SCCPDH: variants seen among roughly 807,000 people sequenced by gnomAD.
The protein encoded by SCCPDH is saccharopine dehydrogenase (putative).
A neutral mutation model predicts 51.5 loss-of-function variants in SCCPDH; 34 were observed. The ratio of observed to expected loss-of-function variants is 0.66; its 90% CI spans 0.50 to 0.88. SCCPDH has a LOEUF of 0.88. SCCPDH is among the 40% of genes least tolerant of loss of function. SCCPDH has a pLI of 0.00. For synonymous variants in SCCPDH, 187 were observed against 191.3 expected (o/e 0.98, Z 0.19); for missense variants, 464 against 527.1 (o/e 0.88, Z 1.17).
intron 5 of SCCPDH, among the ~76,000 whole-genome samples, chr1:246,756,147 C>T (rs1330517319): frequency 6.6e-6 from 1 of 152,156 alleles, no homozygotes; most frequent in African/African-American, 2.4e-5. Flanking sequence ...AGGCTAGCTG[C>T]AATGTAGGAG....
chr1:246,764,196 G>A (rs2102991578), intron 9 of SCCPDH, 50 bp from the exon 10 acceptor site: 1 of 1,109,876 alleles, frequency 9.0e-7, no homozygotes, highest in East Asian at 2.4e-5. Context: ...CTATGTTCCA[G>A]GAGGAAATGA....
intron 11 of SCCPDH, 64 bp downstream of exon 11, chr1:246,766,203 G>T: frequency 8.3e-7 from 1 of 1,203,372 alleles, no homozygotes; most frequent in South Asian, 1.3e-5. Flanking sequence ...AGCTTATTTT[G>T]ATTTGATTTT....
chr1:246,736,080 G>A (rs376950783), intron 3 of SCCPDH, 25 bp downstream of exon 3: 118 of 1,505,358 alleles, frequency 7.8e-5, no homozygotes, highest in Admixed American at 3.9e-4. Context: ...AAGGAAAAAC[G>A]TAGAATTAAC....
At chr1:246,761,991 C>A (rs1010569718) in intron 9 of SCCPDH, among the ~76,000 whole-genome samples, 1 of 152,174 alleles carries the variant, frequency 6.6e-6, no homozygotes, top group African/African-American at 2.4e-5. Context: ...GCTGCTGCAC[C>A]GTTTTACCTT....
chr1:246,738,509 CA>C (rs112316148), intron 3 of SCCPDH, among the ~76,000 whole-genome samples: 119 of 122,476 alleles, frequency 9.7e-4, no homozygotes, highest in African/African-American at 2.5e-3. Flanking sequence ...GACTCCGTCT[CA>C]AAAAAAAAAA....
At position 246,749,553 on chromosome 1, in the gene SCCPDH, C is replaced by T. The variant is rs1164760262; in HGVS notation, c.564+5428C>T. Among the ~76,000 whole-genome samples the T allele has an allele frequency of 2.0e-5, 3 of 152,104 alleles. No homozygotes were observed. In the East Asian group the frequency reaches 5.8e-4, roughly 29 times the overall value. ...GGGAAGAACTCTGGGGAGCAGCAGTCGTCATCTGTGCTGGATTACATTGGT... is the reference window on the plus strand; with the variant it reads ...GGGAAGAACTCTGGGGAGCAGCAGTTGTCATCTGTGCTGGATTACATTGGT... On this transcript the variant is annotated intron_variant, in intron 5 of 11. Transcript: ENST00000366510.
At chr1:246,765,556 C>T (rs1018651505) in intron 10 of SCCPDH, among the ~76,000 whole-genome samples, 5 of 152,050 alleles carry the variant, frequency 3.3e-5, no homozygotes, top group Admixed American at 2.0e-4. Context: ...TATGTTTAGT[C>T]GTTATTCTTT....
intron 2 of SCCPDH, among the ~76,000 whole-genome samples, chr1:246,727,401 C>T (rs1048026403): frequency 5.9e-4 from 90 of 152,198 alleles, no homozygotes; most frequent in African/African-American, 2.0e-3. Context: ...GACTAAAAAA[C>T]GACTCATTTA....
chr1:246,734,562 A>G (rs1357671857), intron 2 of SCCPDH, among the ~76,000 whole-genome samples: 2 of 152,076 alleles, frequency 1.3e-5, no homozygotes, highest in Non-Finnish European at 2.9e-5. Flanking sequence ...AATTTCACAC[A>G]CTTCTCCCAG....
intron 9 of SCCPDH, among the ~76,000 whole-genome samples, chr1:246,761,539 G>C (rs1048246043): frequency 6.6e-6 from 1 of 152,102 alleles, no homozygotes; most frequent in African/African-American, 2.4e-5. Flanking sequence ...CTCTACACCC[G>C]TGAAACAATA....
At position 246,768,134 on chromosome 1, in the gene SCCPDH, G is replaced by A. The variant is rs1669116587; in HGVS notation, c.*834G>A. On this transcript the variant is annotated 3_prime_UTR_variant, in exon 12 of 12. Coordinates refer to ENST00000366510, the MANE Select transcript of SCCPDH (RefSeq NM_016002.3). ...CATATAATAAACACGTATATACATA[G>A]CAATCATGTTGTTCATTACCTAAAC... The A allele has an allele frequency of 6.6e-6, 1 of 151,994 alleles. No homozygotes were observed. The highest frequency in any genetic ancestry group is 2.1e-4 in the South Asian group (1 of 4,808). The allele number at this position is 151,994 out of a possible 1,614,324, so 9.4% of individuals were successfully genotyped here.
At chr1:246,762,811 A>G (rs894288126) in intron 9 of SCCPDH, among the ~76,000 whole-genome samples, 1 of 148,568 alleles carries the variant, frequency 6.7e-6, no homozygotes, top group African/African-American at 2.5e-5. Flanking sequence ...ACTGCACTCC[A>G]GCCTGGGCAA....
intron 9 of SCCPDH, among the ~76,000 whole-genome samples, chr1:246,763,684 A>G (rs914966384): frequency 6.6e-6 from 1 of 152,050 alleles, no homozygotes; most frequent in African/African-American, 2.4e-5. Context: ...TGTAAGCTCC[A>G]GCAAAGGCAG....
chr1:246,740,812 G>A (rs1020364868), intron 4 of SCCPDH, among the ~76,000 whole-genome samples: 1 of 152,142 alleles, frequency 6.6e-6, no homozygotes, highest in African/African-American at 2.4e-5. Flanking sequence ...AGGGTGTGGT[G>A]GCTTACACCC....
intron 4 of SCCPDH, among the ~76,000 whole-genome samples, chr1:246,743,728 T>C (rs972478802): frequency 2.0e-5 from 3 of 152,166 alleles, no homozygotes; most frequent in African/African-American, 7.2e-5. Flanking sequence ...CAATTGTTGC[T>C]TTATTGGGGG....
At position 246,759,078 on chromosome 1, in the gene SCCPDH, C is replaced by T. The variant is rs761574272; in HGVS notation, c.740C>T (p.Pro247Leu). The change falls in exon 7 of 12, where the codon CCT (proline) becomes CTT (leucine). Residue 247 changes from proline to leucine, a missense_variant. By Grantham distance (98) the Pro-to-Leu change is moderately conservative. Coordinates refer to ENST00000366510, the MANE Select transcript of SCCPDH (RefSeq NM_016002.3). ...CGGGAACTCAAAGGTTATTCCATTC[C>T]TTTTATGGGATCTGATGTGTCTGTT... is the stretch of plus-strand genomic sequence containing the variant. The part of the protein sequence containing the change: ...YCRELKGYSI[P>L]FMGSDVSVVR... 1.9e-6 allele frequency: 3 copies of T among 1,612,502 alleles called. No homozygotes were observed. The highest frequency in any genetic ancestry group is 2.5e-6 in the Non-Finnish European group (3 of 1,178,556).
At chr1:246,744,188 A>G (rs1020301766) in intron 5 of SCCPDH, 63 bp downstream of exon 5, 1 of 956,146 alleles carries the variant, frequency 1.0e-6, no homozygotes, top group Non-Finnish European at 1.6e-6. Context: ...TGGAAATGAT[A>G]CATGTGTCTT....
chr1:246,732,559 T>A (rs1402686043), intron 2 of SCCPDH, among the ~76,000 whole-genome samples: 2 of 152,168 alleles, frequency 1.3e-5, no homozygotes, highest in Non-Finnish European at 2.9e-5. Flanking sequence ...AGCTAATTTT[T>A]ATATTTTTAG....
At chr1:246,755,180 T>A (rs949980696) in intron 5 of SCCPDH, among the ~76,000 whole-genome samples, 2 of 152,266 alleles carry the variant, frequency 1.3e-5, no homozygotes, top group African/African-American at 4.8e-5. Context: ...TATTCATGGA[T>A]TAAAATATGA....
Sources: gnomAD v4.1 joint callset for allele counts (sites outside exome capture counted in the v4.1 genomes callset) on GRCh38, gnomAD v4.1.1 for gene constraint, MANE v1.5 for transcripts, NCBI Gene and HGNC (gene_info 2026-07-23, HGNC 2026-07-21) for gene names.